The following BFSP2 variants were observed in gnomAD, a reference collection of about 807,000 sequenced individuals.
The protein encoded by BFSP2 is phakinin.
BFSP2 carries 38 observed loss-of-function variants against 44.9 expected under a neutral mutation model. The observed-to-expected ratio is 0.85, with a 90% CI of 0.65 to 1.11. The LOEUF (loss-of-function observed/expected upper bound fraction) is 1.11, where lower values mean the gene tolerates loss of function less well. BFSP2 is among the 50% of genes least tolerant of loss of function. The pLI is 0.00. For synonymous variants in BFSP2, 197 were observed against 209.9 expected, an observed-to-expected ratio of 0.94 and a Z score of 0.53; for missense variants, 525 against 533.0, an observed-to-expected ratio of 0.99 and a Z score of 0.15.
At chr3:133,405,727 C>T (rs1252503719) in intron 1 of BFSP2, among the ~76,000 whole-genome samples, 1 of 152,192 alleles carries the variant, frequency 6.6e-6, no homozygotes, top group Non-Finnish European at 1.5e-5. Flanking sequence ...TTGGTCAGAG[C>T]AGGCCAGTGG....
chr3:133,440,516 A>G (rs2073834999), intron 1 of BFSP2, among the ~76,000 whole-genome samples: 1 of 152,082 alleles, frequency 6.6e-6, no homozygotes, highest in Admixed American at 6.5e-5. Flanking sequence ...TAGGGTTTAA[A>G]CCCTATATAT....
Position 133,463,098 on chromosome 3 carries a change from C to G in BFSP2, c.892-3730C>G, listed in dbSNP as rs192163911. 8.7e-4 allele frequency among the ~76,000 whole-genome samples: 132 copies of G among 152,256 alleles called. 1 individual carries two copies. Among genetic ancestry groups the G allele is most frequent in the African/African-American group, 3.1e-3 (127 of 41,554 alleles). On this transcript the variant is annotated intron_variant, in intron 4 of 6. Coordinates refer to ENST00000302334, the MANE Select transcript of BFSP2 (RefSeq NM_003571.4). ...CTGAAGCCGGCGGATCAACTGAGGT[C>G]AGGATTTCGAGACCAGCCTGGCCAA...
chr3:133,403,504 C>A (rs562583005), intron 1 of BFSP2, among the ~76,000 whole-genome samples: 18 of 152,144 alleles, frequency 1.2e-4, no homozygotes, highest in African/African-American at 4.1e-4. Context: ...GAGAGAAATT[C>A]GACCTCCTTA....
intron 1 of BFSP2, among the ~76,000 whole-genome samples, chr3:133,424,245 T>TGTGTGTGTGTGTGTGTGTGTGTGTG (rs2073623766): frequency 6.2e-5 from 8 of 129,700 alleles, no homozygotes; most frequent in Non-Finnish European, 9.6e-5. Context: ...TTTTTTTGTA[T>TGTGTGTGTGTGTGTGTGTGTGTGTG]TTTTAGTAGA....
At chr3:133,433,556 C>T (rs2073749676) in intron 1 of BFSP2, among the ~76,000 whole-genome samples, 1 of 152,180 alleles carries the variant, frequency 6.6e-6, no homozygotes, top group Admixed American at 6.5e-5. Flanking sequence ...ACCTCTTAGT[C>T]TAGGTAGACA....
chr3:133,457,791 C>A (rs1371752779), intron 4 of BFSP2, among the ~76,000 whole-genome samples: 1 of 152,202 alleles, frequency 6.6e-6, no homozygotes, highest in African/African-American at 2.4e-5. Flanking sequence ...GACCATATGG[C>A]CTGCTAAGCC....
chr3:133,400,194 G>C lies in BFSP2; in HGVS notation c.111G>C (p.Glu37Asp). The change falls in exon 1 of 7, where the codon GAG becomes GAC. Residue 37 changes from glutamate to aspartate, a missense_variant. Coordinates refer to ENST00000302334, the MANE Select transcript of BFSP2 (RefSeq NM_003571.4). This position sits in a 1 kb window ranked among gnomAD's most constrained non-coding sequence, Gnocchi z 4.0. ...FRGPRSSSSL[E>D]SPPASRTNAM... is the part of the protein sequence containing the mutation. The stretch of plus-strand genomic sequence containing the variant: ...GGCCACGGTCATCATCCTCCCTGGA[G>C]AGCCCCCCAGCCTCCAGGACCAATG... 6.2e-7 allele frequency: 1 copy of C among 1,614,094 alleles called. No individual in the cohort carries two copies. Among genetic ancestry groups the C allele is most frequent in the Non-Finnish European group, 8.5e-7 (1 of 1,180,016 alleles).
intron 3 of BFSP2, among the ~76,000 whole-genome samples, chr3:133,449,889 A>G (rs1156604111): frequency 6.6e-6 from 1 of 151,654 alleles, no homozygotes; most frequent in African/African-American, 2.4e-5. Context: ...ACCCTGTCAA[A>G]AAAAAGAAGG....
chr3:133,422,115 A>AC (rs1426450021), intron 1 of BFSP2, among the ~76,000 whole-genome samples: 2 of 151,348 alleles, frequency 1.3e-5, no homozygotes, highest in Admixed American at 1.3e-4. Flanking sequence ...CAAAAAAAAA[A>AC]AAAAAAAAAA....
At chr3:133,430,691 A>G (rs4286431) in intron 1 of BFSP2, among the ~76,000 whole-genome samples, 3,634 of 152,074 alleles carry the variant, frequency 0.024, 110 homozygotes, top group South Asian at 0.097. Context: ...TCTGTTCCCA[A>G]TGCAACTCAT....
At chr3:133,436,772 C>T (rs2073788073) in intron 1 of BFSP2, among the ~76,000 whole-genome samples, 2 of 152,180 alleles carry the variant, frequency 1.3e-5, no homozygotes, top group Admixed American at 6.5e-5. Flanking sequence ...CACCCCACTA[C>T]AGGCCCTGGT....
intron 4 of BFSP2, among the ~76,000 whole-genome samples, chr3:133,453,498 G>A (rs2073984118): frequency 1.3e-5 from 2 of 152,194 alleles, no homozygotes; most frequent in Non-Finnish European, 1.5e-5. Flanking sequence ...ACCAGTAGAG[G>A]AGAAGCAAAG....
chr3:133,472,881 A>G (rs933283366), intron 6 of BFSP2, among the ~76,000 whole-genome samples: 1 of 152,190 alleles, frequency 6.6e-6, no homozygotes, highest in African/African-American at 2.4e-5. Context: ...AGTTGCTTGT[A>G]ATAGAACCTA....
intron 1 of BFSP2, among the ~76,000 whole-genome samples, chr3:133,444,880 T>C (rs1028953121): frequency 2.0e-5 from 3 of 152,148 alleles, no homozygotes; most frequent in African/African-American, 7.2e-5. Context: ...CAATCCTCTC[T>C]TCCCACAGTA....
intron 1 of BFSP2, among the ~76,000 whole-genome samples, chr3:133,435,750 T>C (rs1448657741): frequency 2.0e-5 from 3 of 152,214 alleles, no homozygotes; most frequent in Non-Finnish European, 4.4e-5. Flanking sequence ...CCCTTGCAAA[T>C]TGTCTGCTGC....
At chr3:133,428,853 C>T (rs1212437923) in intron 1 of BFSP2, among the ~76,000 whole-genome samples, 1 of 152,204 alleles carries the variant, frequency 6.6e-6, no homozygotes, top group African/African-American at 2.4e-5. Flanking sequence ...CCCAGCCAGT[C>T]TCTCCCTGTG....
intron 4 of BFSP2, among the ~76,000 whole-genome samples, chr3:133,454,182 C>T (rs977420787): frequency 6.6e-6 from 1 of 152,088 alleles, no homozygotes; most frequent in Non-Finnish European, 1.5e-5. Context: ...AAGTTGGGCA[C>T]TGTGGCATGT....
chr3:133,400,193 A>T lies in BFSP2; in HGVS notation c.110A>T (p.Glu37Val), dbSNP rs748886379. The part of the protein sequence containing the change: ...FRGPRSSSSL[E>V]SPPASRTNAM... Reference sequence around the variant, plus strand: ...GGGCCACGGTCATCATCCTCCCTGGAGAGCCCCCCAGCCTCCAGGACCAAT... The same window carrying T: ...GGGCCACGGTCATCATCCTCCCTGGTGAGCCCCCCAGCCTCCAGGACCAAT... Residue 37 changes from glutamate (E) to valine (V), a missense_variant, in exon 1 of 7, where the codon GAG becomes GTG. Transcript: ENST00000302334. The surrounding 1 kb of genome is among the most constrained non-coding windows in gnomAD (Gnocchi z 4.0). 3.7e-6 allele frequency: 6 copies of T among 1,613,958 alleles called. No individual in the cohort carries two copies. The highest frequency in any genetic ancestry group is 5.1e-6 in the Non-Finnish European group (6 of 1,180,018).
intron 1 of BFSP2, among the ~76,000 whole-genome samples, chr3:133,408,245 T>C (rs140021819): frequency 1.3e-4 from 20 of 152,278 alleles, no homozygotes; most frequent in East Asian, 7.7e-4. Context: ...AAAAAATAGA[T>C]GAAAATGGCT....
Sources: allele counts gnomAD v4.1 joint callset (sites outside exome capture counted in the v4.1 genomes callset), GRCh38; gene constraint gnomAD v4.1.1; non-coding constraint Gnocchi (gnomAD v3.1); transcripts MANE v1.5; gene names NCBI Gene and HGNC (gene_info 2026-07-23, HGNC 2026-07-21).